TMCO5A: variants seen among roughly 807,000 people sequenced by gnomAD.
The protein encoded by TMCO5A is transmembrane and coiled-coil domains 5A, also known as transmembrane and coiled-coil domain-containing protein 5A.
Under a neutral mutation model 42.3 loss-of-function variants are expected in TMCO5A, and 34 were observed. That is an observed-to-expected ratio of 0.80 (90% CI 0.61 to 1.07). TMCO5A has a LOEUF of 1.07. Ranked by LOEUF, TMCO5A falls within the 50% of genes least tolerant of loss-of-function variation. TMCO5A has a pLI of 0.00. For missense variants in TMCO5A, 357 were observed against 327.9 expected (o/e 1.09, Z -0.69); for synonymous variants, 131 against 115.6 (o/e 1.13, Z -0.86).
intron 11 of TMCO5A, among the ~76,000 whole-genome samples, chr15:37,964,764 G>A (rs1595610723): frequency 6.6e-6 from 1 of 152,042 alleles, no homozygotes; most frequent in South Asian, 2.1e-4. Flanking sequence ...AATTGAAGAG[G>A]ACACCAAAAA....
At chr15:37,991,704 T>C in the TMCO5A span, among the ~76,000 whole-genome samples, 17 of 151,864 alleles carry the variant, frequency 1.1e-4, no homozygotes, top group Non-Finnish European at 2.4e-4. Flanking sequence ...CCTTCAATAA[T>C]TTTTTTATTT....
the TMCO5A span, among the ~76,000 whole-genome samples, chr15:37,973,556 C>T: frequency 1.3e-5 from 2 of 152,106 alleles, no homozygotes; most frequent in Non-Finnish European, 2.9e-5. Flanking sequence ...GTGATTCATT[C>T]CTGATTTGGC....
chr15:37,981,554 C>T, the TMCO5A span, among the ~76,000 whole-genome samples: 1 of 152,168 alleles, frequency 6.6e-6, no homozygotes, highest in Non-Finnish European at 1.5e-5. Context: ...CAGTGACAAG[C>T]GCATGTAGGT....
the TMCO5A span, among the ~76,000 whole-genome samples, chr15:37,988,609 T>G: frequency 6.6e-6 from 1 of 151,962 alleles, no homozygotes; most frequent in Non-Finnish European, 1.5e-5. Flanking sequence ...TTGAGATAAC[T>G]GTAATTTTGC....
chr15:38,036,087 C>T, the TMCO5A span, among the ~76,000 whole-genome samples: 7 of 152,184 alleles, frequency 4.6e-5, no homozygotes, highest in African/African-American at 1.4e-4. Context: ...CACCCAGTCA[C>T]AAAATCTTGA....
chr15:37,959,918 G>A lies in TMCO5A; in HGVS notation c.669-6707G>A, dbSNP rs180763093. On this transcript the variant is annotated intron_variant, in intron 11 of 11. Coordinates refer to the TMCO5A transcript ENST00000559502. ...TGTTTTCAGATGATATTATATTTGGGAAAAAAATTAAAGAATCCACCAAAA... is the reference window on the plus strand; with the variant it reads ...TGTTTTCAGATGATATTATATTTGGAAAAAAAATTAAAGAATCCACCAAAA... Among the ~76,000 whole-genome samples the A allele has an allele frequency of 3.6e-3, 542 of 151,778 alleles. 2 individuals are homozygous for A. The highest frequency in any genetic ancestry group is 6.1e-3 in the Non-Finnish European group (411 of 67,878).
the TMCO5A span, among the ~76,000 whole-genome samples, chr15:37,995,687 G>T: frequency 6.6e-6 from 1 of 152,142 alleles, no homozygotes; most frequent in African/African-American, 2.4e-5. Flanking sequence ...AGAAGCACAT[G>T]ATCCTTAGGA....
the TMCO5A span, among the ~76,000 whole-genome samples, chr15:37,998,507 G>A: frequency 6.6e-6 from 1 of 151,990 alleles, no homozygotes; most frequent in Non-Finnish European, 1.5e-5. Context: ...TGAGTTCACT[G>A]TAGAGGTATG....
downstream of TMCO5A, among the ~76,000 whole-genome samples, chr15:37,972,519 A>G (rs1890694467): frequency 6.6e-6 from 1 of 152,002 alleles, no homozygotes; most frequent in Admixed American, 6.5e-5. Flanking sequence ...TTTGATTTAC[A>G]TTTCTCTGAT....
chr15:37,951,098 T>G lies in TMCO5A; in HGVS notation c.731T>G (p.Phe244Cys), dbSNP rs375137866. 6.2e-7 allele frequency: 1 copy of G among 1,613,522 alleles called. No individual in the cohort carries two copies. The highest frequency in any genetic ancestry group is 8.5e-7 in the Non-Finnish European group (1 of 1,179,858). ...ATCAGACTGCTGAGCTACATGTTTT[T>G]TCATGTAAGATTCATAAATCCAGAT... is the stretch of plus-strand genomic sequence containing the variant. ...FFIRLLSYMF[F>C]HVRFINPDLL... is the part of the protein sequence containing the mutation. Residue 244 changes from phenylalanine (F) to cysteine (C), a missense_variant, in exon 12 of 12, where the codon TTT becomes TGT. Coordinates refer to ENST00000319669, the MANE Select transcript of TMCO5A (RefSeq NM_152453.4).
At chr15:37,962,778 T>A (rs1890461945) in intron 11 of TMCO5A, among the ~76,000 whole-genome samples, 1 of 152,164 alleles carries the variant, frequency 6.6e-6, no homozygotes. Flanking sequence ...GAGGGTTGTA[T>A]CTTTCCAGGA....
At chr15:38,005,083 C>T in the TMCO5A span, among the ~76,000 whole-genome samples, 1 of 151,568 alleles carries the variant, frequency 6.6e-6, no homozygotes, top group Non-Finnish European at 1.5e-5. Context: ...TTTCCATCAC[C>T]CCTATTGCAT....
the TMCO5A span, among the ~76,000 whole-genome samples, chr15:37,973,050 C>G: frequency 0.2 from 30,533 of 151,968 alleles, 6,408 homozygotes; most frequent in African/African-American, 0.54. Context: ...TCCCCATTGC[C>G]TGTTTTGTCA....
the TMCO5A span, among the ~76,000 whole-genome samples, chr15:37,982,651 G>T: frequency 1.6e-5 from 2 of 126,822 alleles, no homozygotes; most frequent in African/African-American, 3.2e-5. Context: ...ATATATAGTA[G>T]GTATATGATA....
At chr15:37,951,584 G>A (rs1269547913), downstream of TMCO5A, 1 of 215,598 alleles carries the variant, frequency 4.6e-6, no homozygotes, top group Non-Finnish European at 9.1e-6. Flanking sequence ...ATTACTTACT[G>A]CTTATATTAG....
At chr15:37,959,515 A>C (rs374651558) in intron 11 of TMCO5A, among the ~76,000 whole-genome samples, 1 of 152,148 alleles carries the variant, frequency 6.6e-6, no homozygotes, top group Non-Finnish European at 1.5e-5. Context: ...ATGACCTGGG[A>C]TGCAGGGATA....
Position 37,962,668 on chromosome 15 carries a change from T to C in TMCO5A, c.669-3957T>C, listed in dbSNP as rs1319598026. On this transcript the variant is annotated intron_variant, in intron 11 of 11. Transcript: ENST00000559502. ...ATTCTTCTGTGAATCCATCTGGTCC[T>C]GGACTTTTTTGTGTGTTGGTAATTT... Among the ~76,000 whole-genome samples, 3 of 152,146 alleles carry C rather than the reference T, an allele frequency of 2.0e-5. No individual in the cohort carries two copies. The South Asian group carries it at 6.2e-4, about 31-fold the overall frequency.
intron 11 of TMCO5A, among the ~76,000 whole-genome samples, chr15:37,949,429 C>A (rs1030856800): frequency 1.3e-5 from 2 of 152,074 alleles, no homozygotes; most frequent in African/African-American, 4.8e-5. Flanking sequence ...GGGGAACATG[C>A]CCTTCCAGAT....
At chr15:37,954,784 C>T (rs1488438075), downstream of TMCO5A, among the ~76,000 whole-genome samples, 2 of 151,832 alleles carry the variant, frequency 1.3e-5, no homozygotes, top group Admixed American at 6.6e-5. Context: ...ATAGAAACAA[C>T]AAGAAGTTAA....
Sources: allele counts gnomAD v4.1 joint callset (sites outside exome capture counted in the v4.1 genomes callset), GRCh38; gene constraint gnomAD v4.1.1; transcripts MANE v1.5; gene names NCBI Gene and HGNC (gene_info 2026-07-23, HGNC 2026-07-21).